Variants in GRHL2 observed in about 807,000 individuals in gnomAD.
GRHL2 encodes the protein grainyhead like transcription factor 2.
Under a neutral mutation model 83.8 loss-of-function variants are expected in GRHL2, and 21 were observed. That is an observed-to-expected ratio of 0.25 (90% CI 0.18 to 0.36). The LOEUF (loss-of-function observed/expected upper bound fraction) is 0.36, where lower values mean the gene tolerates loss of function less well. GRHL2 is among the 10% of genes least tolerant of loss of function. GRHL2 has a pLI of 1.00. For missense variants in GRHL2, 623 were observed against 781.8 expected (o/e 0.80, Z 2.42); for synonymous variants, 280 against 278.9 (o/e 1.00, Z -0.04).
chr8:101,671,851 C>A (rs543426231), downstream of GRHL2, among the ~76,000 whole-genome samples: 2 of 152,168 alleles, frequency 1.3e-5, no homozygotes, highest in African/African-American at 4.8e-5. Flanking sequence ...TTCAGAGGAA[C>A]GATCACGCAG....
At chr8:101,673,539 C>CA (rs765287991), downstream of GRHL2, among the ~76,000 whole-genome samples, 47,501 of 133,840 alleles carry the variant, frequency 0.35, 9,397 homozygotes, top group South Asian at 0.47. Context: ...TATATATTTG[C>CA]TCCAATACAG....
chr8:101,584,922 A>T (rs1487657592), intron 7 of GRHL2, among the ~76,000 whole-genome samples: 1 of 148,784 alleles, frequency 6.7e-6, no homozygotes, highest in Non-Finnish European at 1.5e-5. Flanking sequence ...TAGCTAGGTG[A>T]CCAGGTAGCC....
At chr8:101,515,228 G>C (rs559811785) in intron 1 of GRHL2, among the ~76,000 whole-genome samples, 1 of 141,210 alleles carries the variant, frequency 7.1e-6, no homozygotes, top group Admixed American at 7.1e-5. Context: ...TATATATGAG[G>C]TTGGGGTGTG....
chr8:101,653,239 A>T (rs1437314868), intron 14 of GRHL2, among the ~76,000 whole-genome samples: 2 of 151,894 alleles, frequency 1.3e-5, no homozygotes, highest in African/African-American at 4.9e-5. Context: ...AAATAATATC[A>T]TTGTGGGGGG....
chr8:101,625,633 A>C (rs1453511235), intron 9 of GRHL2, among the ~76,000 whole-genome samples: 1 of 152,180 alleles, frequency 6.6e-6, no homozygotes, highest in South Asian at 2.1e-4. Flanking sequence ...AATGGTTGGG[A>C]GAACCACTTA....
intron 8 of GRHL2, among the ~76,000 whole-genome samples, chr8:101,611,006 C>T (rs934459194): frequency 6.6e-6 from 1 of 150,982 alleles, no homozygotes. Flanking sequence ...AGGTAACCAG[C>T]GACTGCAGAC....
At chr8:101,540,819 TTTTA>T (rs1275324121) in intron 1 of GRHL2, among the ~76,000 whole-genome samples, 3 of 152,184 alleles carry the variant, frequency 2.0e-5, no homozygotes, top group Admixed American at 6.5e-5. Context: ...TTTTATTTTA[TTTTA>T]TTTCTATATT....
chr8:101,675,615 G>A, the GRHL2 span, among the ~76,000 whole-genome samples: 9 of 152,062 alleles, frequency 5.9e-5, no homozygotes, highest in East Asian at 3.8e-4. Context: ...AATCAATATC[G>A]TGAAAATGGC....
At chr8:101,515,328 C>A (rs557859970) in intron 1 of GRHL2, among the ~76,000 whole-genome samples, 2 of 152,200 alleles carry the variant, frequency 1.3e-5, no homozygotes, top group Admixed American at 1.3e-4. Context: ...ATCCTCTTCC[C>A]CTCTCCCAGC....
intron 7 of GRHL2, among the ~76,000 whole-genome samples, chr8:101,581,890 G>C (rs1018465103): frequency 6.6e-6 from 1 of 152,088 alleles, no homozygotes; most frequent in Non-Finnish European, 1.5e-5. Context: ...AGGTAGGAAG[G>C]GTGCTGCAAG....
chr8:101,595,448 A>G (rs1812372933), intron 7 of GRHL2, among the ~76,000 whole-genome samples: 1 of 152,186 alleles, frequency 6.6e-6, no homozygotes, highest in African/African-American at 2.4e-5. Context: ...TTTCTTTTTT[A>G]CAATTCACCT....
intron 4 of GRHL2, chr8:101,562,241 T>G (rs2130189541): frequency 1.7e-6 from 1 of 603,202 alleles, no homozygotes; most frequent in Admixed American, 2.2e-5. Context: ...TCCATAGCTC[T>G]CACTGGTATT....
intron 1 of GRHL2, among the ~76,000 whole-genome samples, chr8:101,520,078 T>C (rs1291845380): frequency 6.6e-6 from 1 of 152,242 alleles, no homozygotes; most frequent in Non-Finnish European, 1.5e-5. Context: ...CTATCTCCTT[T>C]TCTAGAAGGG....
chr8:101,658,456 A>G (rs576056273), intron 14 of GRHL2, among the ~76,000 whole-genome samples: 109 of 152,228 alleles, frequency 7.2e-4, no homozygotes, highest in Non-Finnish European at 1.2e-3. Context: ...CACTTATTCC[A>G]TTGTCATGAT....
At chr8:101,505,597 A>AC (rs1554581141) in intron 1 of GRHL2, among the ~76,000 whole-genome samples, 2 of 149,112 alleles carry the variant, frequency 1.3e-5, no homozygotes, top group Non-Finnish European at 3.0e-5. Context: ...AAAAAAAAAA[A>AC]CAGTGTAAAT....
chr8:101,597,805 A>G (rs988844575), intron 7 of GRHL2, among the ~76,000 whole-genome samples: 2 of 152,034 alleles, frequency 1.3e-5, no homozygotes, highest in Admixed American at 6.5e-5. Context: ...CATTGTGCAC[A>G]TGTACCTTAA....
rs777371213 is a variant in GRHL2 at position 101,592,977 on chromosome 8, GTC to G, written c.1004-6076_1004-6075del. On this transcript the variant is annotated intron_variant, in intron 7 of 15. Coordinates refer to ENST00000646743, the MANE Select transcript of GRHL2 (RefSeq NM_024915.4). ...TTGTTGTTGTTGTTGTTGAGATGGAGTCTCTGTCACCCAAGCTGGAGTGCAAT... is the reference window on the plus strand; with the variant it reads ...TTGTTGTTGTTGTTGTTGAGATGGAGTCTGTCACCCAAGCTGGAGTGCAAT... Among the ~76,000 whole-genome samples, 10 of 152,196 alleles carry G rather than the reference GTC, an allele frequency of 6.6e-5. 1 individual carries two copies. Among genetic ancestry groups the G allele is most frequent in the Non-Finnish European group, 1.2e-4 (8 of 68,010 alleles).
At chr8:101,656,084 A>T (rs10101770) in intron 14 of GRHL2, among the ~76,000 whole-genome samples, 14,844 of 152,254 alleles carry the variant, frequency 0.097, 767 homozygotes, top group Middle Eastern at 0.14. Context: ...CGTAAATAGC[A>T]TCTTCATCGC....
intron 1 of GRHL2, among the ~76,000 whole-genome samples, chr8:101,541,212 A>G (rs1276914469): frequency 1.3e-5 from 2 of 150,642 alleles, no homozygotes; most frequent in Non-Finnish European, 3.0e-5. Flanking sequence ...TTCTTTAACC[A>G]CTCATAGATT....
Sources: gnomAD v4.1 joint callset for allele counts (sites outside exome capture counted in the v4.1 genomes callset) on GRCh38, gnomAD v4.1.1 for gene constraint, MANE v1.5 for transcripts, NCBI Gene and HGNC (gene_info 2026-07-23, HGNC 2026-07-21) for gene names.